Variants in ADCY10 observed in about 807,000 individuals in gnomAD.
ADCY10 encodes adenylate cyclase type 10.
In ADCY10, 156 loss-of-function variants were observed where a neutral mutation model predicts 183.3. The ratio of observed to expected loss-of-function variants is 0.85; its 90% CI spans 0.75 to 0.97. The LOEUF is 0.97. Ranked by LOEUF, ADCY10 falls within the 50% of genes least tolerant of loss-of-function variation. The probability of loss-of-function intolerance (pLI) is 0.00; values close to 1 mark genes in which losing one functional copy is unlikely to be tolerated. For synonymous variants in ADCY10, 645 were observed against 670.0 expected (o/e 0.96, Z 0.58); for missense variants, 1,745 against 1,934.3 (o/e 0.90, Z 1.84).
chr1:167,875,920 T>C (rs1667425305), intron 12 of ADCY10, among the ~76,000 whole-genome samples: 1 of 151,614 alleles, frequency 6.6e-6, no homozygotes, highest in Non-Finnish European at 1.5e-5. Context: ...ACCACTGCAC[T>C]CCAGCGTGGG....
chr1:167,863,274 A>ACACATTGTATG (rs1326573109), intron 14 of ADCY10, among the ~76,000 whole-genome samples: 1 of 152,172 alleles, frequency 6.6e-6, no homozygotes, highest in Non-Finnish European at 1.5e-5. Flanking sequence ...TATAGATTCC[A>ACACATTGTATG]GACATTGTAT....
chr1:167,835,183 G>A (rs1571254433), intron 23 of ADCY10, among the ~76,000 whole-genome samples: 1 of 152,340 alleles, frequency 6.6e-6, no homozygotes, highest in Middle Eastern at 3.4e-3. Context: ...ATTTCCTCAA[G>A]TGAGTTCATG....
intron 18 of ADCY10, among the ~76,000 whole-genome samples, 186 bp downstream of exon 18, chr1:167,854,167 T>C (rs928215753): frequency 2.6e-5 from 4 of 152,054 alleles, no homozygotes; most frequent in Non-Finnish European, 5.9e-5. Flanking sequence ...CCGAGTCCAG[T>C]GAGTCCCAGG....
chr1:167,861,623 G>A (rs74120517), intron 14 of ADCY10, among the ~76,000 whole-genome samples: 2,554 of 152,208 alleles, frequency 0.017, 69 homozygotes, highest in African/African-American at 0.057. Flanking sequence ...GTAGCCTCCT[G>A]GAAACTGTCA....
rs775311251 is a variant in ADCY10, at chr1:167,836,543, G to A, written c.3078-3C>T. 6 of 1,550,788 alleles carry A rather than the reference G, an allele frequency of 3.9e-6. No individual in the cohort carries two copies. The highest frequency in any genetic ancestry group is 1.7e-4 in the Middle Eastern group (1 of 5,932). On this transcript the variant is annotated splice_region_variant and splice_polypyrimidine_tract_variant and intron_variant, in intron 22 of 32. Coordinates refer to ENST00000367851, the MANE Select transcript of ADCY10 (RefSeq NM_018417.6). ...TCTTTTCTCTTATTTCTTCAGGACT[G>A]TCCATATGCAGAAATAAATAATAGT...
chr1:167,853,173 A>C (rs960964931), intron 18 of ADCY10, among the ~76,000 whole-genome samples: 2 of 152,158 alleles, frequency 1.3e-5, no homozygotes, highest in Non-Finnish European at 2.9e-5. Context: ...TTGACCCTCT[A>C]GGTTTAGTAA....
chr1:167,813,578 G>A (rs1662349126), intron 31 of ADCY10, among the ~76,000 whole-genome samples: 1 of 152,056 alleles, frequency 6.6e-6, no homozygotes, highest in Non-Finnish European at 1.5e-5. Context: ...TAAAATGAAA[G>A]GACAGTCAAA....
At chr1:167,820,111 T>G (rs1662794343) in intron 30 of ADCY10, 1 of 1,566,432 alleles carries the variant, frequency 6.4e-7, no homozygotes. Flanking sequence ...CATCAACGTT[T>G]CCTTTTGGAC....
chr1:167,889,194 G>A (rs1296378339), intron 8 of ADCY10, among the ~76,000 whole-genome samples: 1 of 152,130 alleles, frequency 6.6e-6, no homozygotes, highest in Non-Finnish European at 1.5e-5. Context: ...TATTCATTAT[G>A]ATACTAGTGG....
chr1:167,881,261 T>C (rs546924901), intron 9 of ADCY10, among the ~76,000 whole-genome samples: 2 of 152,346 alleles, frequency 1.3e-5, no homozygotes, highest in African/African-American at 4.8e-5. Flanking sequence ...TTGGCATTTG[T>C]AGTATTAGTC....
intron 3 of ADCY10, among the ~76,000 whole-genome samples, chr1:167,903,363 A>C (rs957272709): frequency 2.0e-5 from 3 of 152,132 alleles, no homozygotes; most frequent in Non-Finnish European, 4.4e-5. Context: ...CAGGAGTTTG[A>C]GACCAGCCTG....
intron 8 of ADCY10, among the ~76,000 whole-genome samples, chr1:167,884,374 A>G (rs1668073950): frequency 6.6e-6 from 1 of 152,078 alleles, no homozygotes; most frequent in Non-Finnish European, 1.5e-5. Context: ...ATCCCATGAG[A>G]ACTCATTCAC....
At chr1:167,875,555 A>G (rs1413735192) in intron 12 of ADCY10, among the ~76,000 whole-genome samples, 1 of 152,208 alleles carries the variant, frequency 6.6e-6, no homozygotes, top group African/African-American at 2.4e-5. Flanking sequence ...TTGCTCAAAC[A>G]ATAATAGCGC....
chr1:167,852,149 A>C (rs907319677), intron 18 of ADCY10, among the ~76,000 whole-genome samples: 4 of 152,162 alleles, frequency 2.6e-5, no homozygotes, highest in African/African-American at 9.7e-5. Context: ...TGTTTTAAAA[A>C]GCTCATAACA....
intron 24 of ADCY10, 111 bp from the exon 25 acceptor site, chr1:167,833,273 A>G (rs1474021987): frequency 1.1e-5 from 11 of 1,026,480 alleles, no homozygotes; most frequent in Non-Finnish European, 1.5e-5. Flanking sequence ...AAGGTAATTT[A>G]TGGACCAGAA....
chr1:167,857,475 T>A (rs970393356), intron 16 of ADCY10, among the ~76,000 whole-genome samples: 12 of 152,244 alleles, frequency 7.9e-5, no homozygotes, highest in African/African-American at 2.7e-4. Context: ...GATAGAAATT[T>A]AAGTTTTAAT....
In ADCY10 at chr1:167,854,390, A is replaced by C; in HGVS notation, c.2271T>G (p.Ser757=). 1.2e-6 allele frequency: 2 copies of C among 1,614,174 alleles called. No individual in the cohort carries two copies. The highest frequency in any genetic ancestry group is 1.7e-6 in the Non-Finnish European group (2 of 1,180,012). The part of the protein sequence containing the change: ...HEVLVFQQTE[S]EEKTNRTWNN... ...TCCAGGTCCTATTTGTCTTTTCCTC[A>C]GACTCCGTTTGTTGGAAAACGAGTA... The change falls in exon 18 of 33, where the codon TCT becomes TCG. Residue 757 remains serine, a synonymous_variant. Coordinates refer to ENST00000367851, the MANE Select transcript of ADCY10 (RefSeq NM_018417.6).
At chr1:167,887,548 G>A (rs562252307) in intron 8 of ADCY10, among the ~76,000 whole-genome samples, 28 of 152,194 alleles carry the variant, frequency 1.8e-4, no homozygotes, top group African/African-American at 6.7e-4. Context: ...CCTGTCGTGG[G>A]CTGGGGGGAA....
At chr1:167,838,438 G>T (rs1664383203) in intron 21 of ADCY10, among the ~76,000 whole-genome samples, 1 of 152,190 alleles carries the variant, frequency 6.6e-6, no homozygotes, top group South Asian at 2.1e-4. Context: ...GTCTGCACTT[G>T]ATTACCTCTC....
Sources: gnomAD v4.1 joint callset for allele counts (sites outside exome capture counted in the v4.1 genomes callset) on GRCh38, gnomAD v4.1.1 for gene constraint, MANE v1.5 for transcripts, NCBI Gene and HGNC (gene_info 2026-07-23, HGNC 2026-07-21) for gene names.